The following NDRG1 variants were observed in gnomAD, a reference collection of about 807,000 sequenced individuals.
NDRG1 encodes protein NDRG1.
Under a neutral mutation model 56.9 loss-of-function variants are expected in NDRG1, and 32 were observed. The ratio of observed to expected loss-of-function variants is 0.56; its 90% CI spans 0.42 to 0.76. NDRG1 has a LOEUF of 0.76. NDRG1 is among the 30% of genes least tolerant of loss of function. The pLI is 0.00. For missense variants in NDRG1, 507 were observed against 545.7 expected, an observed-to-expected ratio of 0.93 and a Z score of 0.71; for synonymous variants, 211 against 204.1, an observed-to-expected ratio of 1.03 and a Z score of -0.29.
chr8:133,291,474 G>A (rs1410404466), intron 1 of NDRG1, among the ~76,000 whole-genome samples: 1 of 152,228 alleles, frequency 6.6e-6, no homozygotes, highest in African/African-American at 2.4e-5. Context: ...GCAGTTCATG[G>A]GCTCTCTTGG....
chr8:133,272,981 C>T (rs528661964), intron 3 of NDRG1, among the ~76,000 whole-genome samples: 9 of 152,178 alleles, frequency 5.9e-5, no homozygotes, highest in African/African-American at 2.2e-4. Context: ...AAACAGCCCC[C>T]CCACCGAATG....
At chr8:133,265,212 G>C (rs1856856926) in intron 3 of NDRG1, among the ~76,000 whole-genome samples, 3 of 152,176 alleles carry the variant, frequency 2.0e-5, no homozygotes, top group African/African-American at 7.2e-5. Context: ...CCTCCCAGTT[G>C]CAAGGACTGG....
chr8:133,248,722 T>G lies in NDRG1; in HGVS notation c.748A>C (p.Thr250Pro). ...ERPMPGTHTVTLQCPALLVVG... is the reference protein window; with the variant it reads ...ERPMPGTHTVPLQCPALLVVG... ...GAGAGAAAAGCCACTCACTGCAGGG[T>G]GACTGTGTGGGTTCCCGGCATTGGT... The change falls in exon 11 of 16, where the codon ACC becomes CCC. Residue 250 changes from threonine (T) to proline (P), a missense_variant. By Grantham distance (38) the Thr-to-Pro change is conservative (BLOSUM62 -1). Transcript: ENST00000323851. 6.2e-7 allele frequency: 1 copy of G among 1,614,146 alleles called. No individual in the cohort carries two copies. Among genetic ancestry groups the G allele is most frequent in the Non-Finnish European group, 8.5e-7 (1 of 1,180,032 alleles).
chr8:133,256,069 G>A (rs542056673), intron 8 of NDRG1: 3 of 153,012 alleles, frequency 2.0e-5, no homozygotes, highest in East Asian at 1.9e-4. Context: ...CCAGGGGCAC[G>A]GGTGGTCAGG....
chr8:133,238,855 G>T lies in NDRG1; in HGVS notation c.*23C>A, dbSNP rs1223578122. The stretch of plus-strand genomic sequence containing the variant: ...GGGCCACTACAGAGATCAGAGTCCG[G>T]GGGCGGCAGCTGGGCAGGCCGCCTA... On this transcript the variant is annotated 3_prime_UTR_variant, in exon 16 of 16. Coordinates refer to ENST00000323851, the MANE Select transcript of NDRG1 (RefSeq NM_006096.4). 5 of 1,546,054 alleles carry T rather than the reference G, an allele frequency of 3.2e-6. No individual in the cohort carries two copies. In the Admixed American group the frequency reaches 7.8e-5, roughly 24 times the overall value.
chr8:133,270,527 TC>T (rs11337788), intron 3 of NDRG1, among the ~76,000 whole-genome samples: 92,009 of 152,020 alleles, frequency 0.61, 30,637 homozygotes, highest in East Asian at 1. Context: ...TCCTGTAGCT[TC>T]AAGGAGAGTT....
chr8:133,273,772 T>C (rs183734765), intron 3 of NDRG1, among the ~76,000 whole-genome samples: 8 of 152,304 alleles, frequency 5.3e-5, no homozygotes, highest in Admixed American at 4.6e-4. Context: ...ACAATGAGTA[T>C]GCAAATATTC....
At chr8:133,279,167 G>A (rs1309702557) in intron 3 of NDRG1, among the ~76,000 whole-genome samples, 1 of 152,198 alleles carries the variant, frequency 6.6e-6, no homozygotes, top group African/African-American at 2.4e-5. Flanking sequence ...TAGGATTACA[G>A]GCATGAGCCA....
intron 3 of NDRG1, among the ~76,000 whole-genome samples, chr8:133,273,888 C>A (rs1461418458): frequency 2.0e-5 from 3 of 152,110 alleles, no homozygotes; most frequent in African/African-American, 7.2e-5. Context: ...AGCTGGAACC[C>A]AAAATACTCC....
chr8:133,289,031 T>G (rs1858286471), intron 1 of NDRG1, among the ~76,000 whole-genome samples: 1 of 152,250 alleles, frequency 6.6e-6, no homozygotes, highest in African/African-American at 2.4e-5. Flanking sequence ...CACCATTTAT[T>G]AGCTCTGTGA....
chr8:133,238,737 C>A lies in NDRG1; in HGVS notation c.*141G>T. 9.3e-7 allele frequency: 1 copy of A among 1,074,660 alleles called. No individual in the cohort carries two copies. The allele number at this position is 1,074,660 out of a possible 1,614,324, so 66.6% of individuals were successfully genotyped here. A position where few individuals can be genotyped will look rare whatever the true frequency, so the allele number is the denominator to read the frequency against. ...CCACGTAATAGACCTCATTTGTCTCCACCAGAGCTCACTCTTACAAAATAA... is the reference window on the plus strand; with the variant it reads ...CCACGTAATAGACCTCATTTGTCTCAACCAGAGCTCACTCTTACAAAATAA... On this transcript the variant is annotated 3_prime_UTR_variant, in exon 16 of 16. Transcript: ENST00000323851.
chr8:133,244,093 T>C (rs1377978593), intron 14 of NDRG1, among the ~76,000 whole-genome samples: 2 of 152,154 alleles, frequency 1.3e-5, no homozygotes, highest in Non-Finnish European at 2.9e-5. Flanking sequence ...GGGGCAGACA[T>C]ACCCAGATTC....
intron 13 of NDRG1, 110 bp from the exon 14 acceptor site, chr8:133,244,500 G>A: frequency 7.8e-7 from 1 of 1,280,450 alleles, no homozygotes; most frequent in South Asian, 1.2e-5. Context: ...GCCCTGCCTT[G>A]TCCTGCCTTA....
rs1307576027 is a variant in NDRG1 at position 133,250,522 on chromosome 8, C to G, written c.616G>C (p.Glu206Gln). ...FGKEEMQSNV[E>Q]VVHTYRQHIV... ...TGCTGGCGGTAGGTGTGGACCACTTCCACGTTACTCTGCATTTCTTCCTGC... is the reference window on the plus strand; with the variant it reads ...TGCTGGCGGTAGGTGTGGACCACTTGCACGTTACTCTGCATTTCTTCCTGC... The change falls in exon 10 of 16, where the codon GAA (glutamate) becomes CAA (glutamine). Residue 206 changes from glutamate to glutamine, a missense_variant. Coordinates refer to ENST00000323851, the MANE Select transcript of NDRG1 (RefSeq NM_006096.4). The G allele has an allele frequency of 5.0e-6, 8 of 1,613,924 alleles. No individual in the cohort carries two copies. Among genetic ancestry groups the G allele is most frequent in the Non-Finnish European group, 5.1e-6 (6 of 1,179,998 alleles).
chr8:133,249,007 C>A (rs993105428), intron 10 of NDRG1, among the ~76,000 whole-genome samples: 1 of 152,194 alleles, frequency 6.6e-6, no homozygotes, highest in African/African-American at 2.4e-5. Context: ...CATTTTGTCA[C>A]AAATATTTGT....
At chr8:133,264,927 C>G (rs1366679733) in intron 3 of NDRG1, 6 of 497,030 alleles carry the variant, frequency 1.2e-5, no homozygotes, top group Non-Finnish European at 2.2e-5. Context: ...CCGCCACCAT[C>G]TCTGCCCCGG....
intron 14 of NDRG1, among the ~76,000 whole-genome samples, chr8:133,242,421 G>A (rs1855437491): frequency 6.6e-6 from 1 of 152,190 alleles, no homozygotes; most frequent in Admixed American, 6.5e-5. Flanking sequence ...TCGGCATCAT[G>A]AGCCACTCCC....
intron 13 of NDRG1, 199 bp from the exon 14 acceptor site, chr8:133,244,589 C>T (rs1855564694): frequency 1.5e-6 from 1 of 659,536 alleles, no homozygotes; most frequent in Non-Finnish European, 2.7e-6. Context: ...TCCGTGGCAA[C>T]CATCACTTGC....
At chr8:133,290,270 C>T (rs886995697) in intron 1 of NDRG1, among the ~76,000 whole-genome samples, 3 of 152,160 alleles carry the variant, frequency 2.0e-5, no homozygotes, top group African/African-American at 7.2e-5. Flanking sequence ...TTCCAGGTTC[C>T]GCCCACCAGG....
Sources: allele counts gnomAD v4.1 joint callset (sites outside exome capture counted in the v4.1 genomes callset), GRCh38; gene constraint gnomAD v4.1.1; transcripts MANE v1.5; gene names NCBI Gene and HGNC (gene_info 2026-07-23, HGNC 2026-07-21).